The following TRIM5 variants were observed in gnomAD, a reference collection of about 807,000 sequenced individuals.
TRIM5 encodes tripartite motif containing 5, also known as tripartite motif-containing protein 5.
Under a neutral mutation model 35.6 loss-of-function variants are expected in TRIM5, and 31 were observed. The observed-to-expected ratio is 0.87, with a 90% CI of 0.65 to 1.18. The LOEUF (loss-of-function observed/expected upper bound fraction) is 1.18, where lower values mean the gene tolerates loss of function less well. Ranked by LOEUF, TRIM5 falls within the 50% of genes most tolerant of loss-of-function variation. The pLI is 0.00. For synonymous variants in TRIM5, 243 were observed against 215.6 expected (o/e 1.13, Z -1.11); for missense variants, 609 against 591.6 (o/e 1.03, Z -0.31).
chr11:5,601,071 C>T, the TRIM5 span, among the ~76,000 whole-genome samples: 14,755 of 152,162 alleles, frequency 0.097, 994 homozygotes, highest in African/African-American at 0.18. Context: ...ACTGCCTTAC[C>T]GGCCACCTCT....
intron 5 of TRIM5, 46 bp downstream of exon 5, chr11:5,667,643 C>T: frequency 1.2e-6 from 2 of 1,602,566 alleles, no homozygotes; most frequent in Non-Finnish European, 1.7e-6. Context: ...GGCTATAAAT[C>T]TCTCCTCACT....
At chr11:5,657,614 ATT>A in the TRIM5 span, among the ~76,000 whole-genome samples, 2 of 104,910 alleles carry the variant, frequency 1.9e-5, no homozygotes, top group Admixed American at 1.4e-4. Context: ...ATATTTATAT[ATT>A]ATATATAATG....
chr11:5,684,529 C>T (rs1852864762), intron 1 of TRIM5, among the ~76,000 whole-genome samples: 1 of 152,170 alleles, frequency 6.6e-6, no homozygotes, highest in Admixed American at 6.5e-5. Context: ...TATGCAGAAA[C>T]ACTACATTAG....
intron 5 of TRIM5, 42 bp downstream of exon 5, chr11:5,667,647 C>T: frequency 6.2e-7 from 1 of 1,607,830 alleles, no homozygotes; most frequent in Non-Finnish European, 8.5e-7. Flanking sequence ...ATAAATCTCT[C>T]CTCACTGCAC....
the TRIM5 span, among the ~76,000 whole-genome samples, chr11:5,615,394 T>C: frequency 6.6e-6 from 1 of 152,190 alleles, no homozygotes; most frequent in Non-Finnish European, 1.5e-5. Flanking sequence ...TTCTATGAGA[T>C]TTTGCTTTCT....
intron 3 of TRIM5, 59 bp downstream of exon 3, chr11:5,679,015 C>T: frequency 2.2e-6 from 3 of 1,386,370 alleles, no homozygotes; most frequent in Non-Finnish European, 3.1e-6. Flanking sequence ...GAAGAAAGCT[C>T]CTTCCCCTGG....
chr11:5,669,882 C>T (rs1467258775), intron 4 of TRIM5: 1 of 186,730 alleles, frequency 5.4e-6, no homozygotes, highest in Non-Finnish European at 1.2e-5. Flanking sequence ...GGCTGAGGCA[C>T]AAGAATTGTT....
chr11:5,611,316 A>T, the TRIM5 span: 11 of 1,613,904 alleles, frequency 6.8e-6, no homozygotes, highest in Non-Finnish European at 9.3e-6. Flanking sequence ...TGTAATTCCT[A>T]TGACCCTGCG....
chr11:5,595,195 C>G, the TRIM5 span: 1 of 152,242 alleles, frequency 6.6e-6, no homozygotes, highest in Non-Finnish European at 1.5e-5. Context: ...CTATACCTCC[C>G]TCCCCAAGCC....
chr11:5,678,896 G>C (rs1289203217), intron 3 of TRIM5, among the ~76,000 whole-genome samples, 178 bp downstream of exon 3: 2 of 152,182 alleles, frequency 1.3e-5, no homozygotes, highest in African/African-American at 4.8e-5. Context: ...GCTCCCTACT[G>C]TGTTCACTGT....
At chr11:5,659,609 G>A (rs1850745197), downstream of TRIM5, among the ~76,000 whole-genome samples, 1 of 152,142 alleles carries the variant, frequency 6.6e-6, no homozygotes, top group Non-Finnish European at 1.5e-5. Context: ...AAATATTCTT[G>A]CTGTAGTAAA....
Position 5,664,563 on chromosome 11 carries a change from T to G in TRIM5, c.*246A>C. 8.1e-7 allele frequency: 1 copy of G among 1,229,344 alleles called. No individual in the cohort carries two copies. Among genetic ancestry groups the G allele is most frequent in the East Asian group, 3.5e-5 (1 of 28,290 alleles). The allele number at this position is 1,229,344 out of a possible 1,614,324, so 76.2% of individuals were successfully genotyped here. On this transcript the variant is annotated 3_prime_UTR_variant, in exon 8 of 8. Transcript: ENST00000380034. ...TAAATAGCGGTCTCATTTTATGAGG[T>G]ATAGGTCAGTTTTCCTTAGGAGTAC... is the stretch of plus-strand genomic sequence containing the variant.
Position 5,679,914 on chromosome 11 carries a change from C to G in TRIM5, c.264G>C (p.Glu88Asp), listed in dbSNP as rs776938597. The change falls in exon 2 of 8, where the codon GAG becomes GAC. Residue 88 changes from glutamate (E) to aspartate (D), a missense_variant. Transcript: ENST00000380034. ...EKLREVKLSPEGQKVDHCARH... is the reference protein window; with the variant it reads ...EKLREVKLSPDGQKVDHCARH... ...GTGCACAATGATCAACTTTCTGCCC[C>G]TCTGGGCTCAACTTGACCTCCCTGA... 2.5e-6 allele frequency: 4 copies of G among 1,613,972 alleles called. No homozygotes were observed. In the African/African-American group the frequency reaches 5.3e-5, roughly 22 times the overall value.
At chr11:5,681,829 T>TTCCAGCCTTTGTATAAGG (rs1554938090) in intron 1 of TRIM5, among the ~76,000 whole-genome samples, 18 of 151,990 alleles carry the variant, frequency 1.2e-4, no homozygotes, top group East Asian at 3.9e-4. Context: ...GACGGAGTCT[T>TTCCAGCCTTTGTATAAGG]GCTCTGTCGC....
the TRIM5 span, among the ~76,000 whole-genome samples, chr11:5,637,283 G>A: frequency 2.0e-5 from 3 of 152,152 alleles, no homozygotes; most frequent in South Asian, 2.1e-4. Context: ...GATGGCGATC[G>A]GGATGGATGG....
At chr11:5,670,279 G>T (rs1262917851) in intron 4 of TRIM5, among the ~76,000 whole-genome samples, 12 of 143,384 alleles carry the variant, frequency 8.4e-5, no homozygotes, top group Non-Finnish European at 1.8e-4. Context: ...CTGGGTTCAT[G>T]CCATTCTCCT....
At chr11:5,676,235 T>C (rs1851969476) in intron 4 of TRIM5, among the ~76,000 whole-genome samples, 1 of 152,024 alleles carries the variant, frequency 6.6e-6, no homozygotes, top group African/African-American at 2.4e-5. Context: ...GATGGCTGGG[T>C]CAAATGGTAT....
At position 5,664,035 on chromosome 11, in the gene TRIM5, C is replaced by T. The variant is rs2134011053; in HGVS notation, c.*774G>A. ...TAACCAACATGGGGAAACCCCGTCT[C>T]TACTGAAAATACAAATTTAGCCAGG... On this transcript the variant is annotated 3_prime_UTR_variant, in exon 8 of 8. Transcript: ENST00000380034. 5.9e-6 allele frequency: 1 copy of T among 168,876 alleles called. No homozygotes were observed. Among genetic ancestry groups the T allele is most frequent in the East Asian group, 1.9e-4 (1 of 5,262 alleles). 10.5% of individuals were successfully genotyped at this position (168,876 alleles called of 1,614,324 possible).
intron 4 of TRIM5, among the ~76,000 whole-genome samples, chr11:5,673,185 G>C (rs1324315541): frequency 6.6e-6 from 1 of 152,054 alleles, no homozygotes; most frequent in African/African-American, 2.4e-5. Flanking sequence ...CTATAGGAGA[G>C]CATATATTAG....
Sources: gnomAD v4.1 joint callset for allele counts (sites outside exome capture counted in the v4.1 genomes callset) on GRCh38, gnomAD v4.1.1 for gene constraint, MANE v1.5 for transcripts, NCBI Gene and HGNC (gene_info 2026-07-23, HGNC 2026-07-21) for gene names.